MECOM: variants seen among roughly 807,000 people sequenced by gnomAD.
MECOM encodes histone-lysine N-methyltransferase MECOM.
In MECOM, 13 loss-of-function variants were observed where a neutral mutation model predicts 116.3. That is an observed-to-expected ratio of 0.11 (90% confidence interval 0.07 to 0.18). The LOEUF (loss-of-function observed/expected upper bound fraction) is 0.18, where lower values mean the gene tolerates loss of function less well. MECOM is among the 10% of genes least tolerant of loss of function. The probability of loss-of-function intolerance (pLI) is 1.00; values close to 1 mark genes in which losing one functional copy is unlikely to be tolerated. For missense variants in MECOM, 1,299 were observed against 1,509.0 expected, an observed-to-expected ratio of 0.86 and a Z score of 2.31; for synonymous variants, 528 against 535.2, an observed-to-expected ratio of 0.99 and a Z score of 0.19.
intron 1 of MECOM, among the ~76,000 whole-genome samples, chr3:169,440,828 TC>T (rs1743519330): frequency 1.3e-5 from 2 of 152,002 alleles, no homozygotes; most frequent in South Asian, 4.2e-4. Context: ...TTTAGACAGC[TC>T]ACCCCAGACC....
intron 1 of MECOM, chr3:169,389,588 T>C: frequency 1.0e-6 from 1 of 985,434 alleles, no homozygotes; most frequent in Non-Finnish European, 1.2e-6. Flanking sequence ...CTTCATAAGC[T>C]TTCTATGTCC....
chr3:169,358,616 A>C (rs1431797816), intron 2 of MECOM, among the ~76,000 whole-genome samples: 1 of 151,622 alleles, frequency 6.6e-6, no homozygotes, highest in Non-Finnish European at 1.5e-5. Context: ...GCAGACAAAA[A>C]GATAACTGTC....
At chr3:169,288,229 A>G (rs997418688) in intron 2 of MECOM, among the ~76,000 whole-genome samples, 8 of 99,170 alleles carry the variant, frequency 8.1e-5, no homozygotes, top group African/African-American at 1.3e-4. Flanking sequence ...AAGTTTTAGT[A>G]AAAAAAAAAA....
intron 3 of MECOM, among the ~76,000 whole-genome samples, chr3:169,132,981 T>C (rs563108392): frequency 3.9e-5 from 6 of 152,058 alleles, no homozygotes; most frequent in African/African-American, 1.4e-4. Flanking sequence ...CTCGAACTCC[T>C]GGGCTCAAGC....
chr3:169,256,045 A>T (rs1756827412), intron 2 of MECOM, among the ~76,000 whole-genome samples: 1 of 152,332 alleles, frequency 6.6e-6, no homozygotes, highest in African/African-American at 2.4e-5. Context: ...CCTATTTTAA[A>T]TATTCATTCT....
chr3:169,436,678 C>A (rs1049647768), intron 1 of MECOM, among the ~76,000 whole-genome samples: 2 of 152,126 alleles, frequency 1.3e-5, no homozygotes, highest in African/African-American at 4.8e-5. Context: ...TTTTCAATCA[C>A]TTTTCAGTGC....
intron 16 of MECOM, among the ~76,000 whole-genome samples, chr3:169,088,644 A>T (rs754968388): frequency 5.3e-5 from 8 of 152,198 alleles, no homozygotes; most frequent in Non-Finnish European, 1.0e-4. Context: ...AATTACATTG[A>T]CAAAAGTATA....
intron 2 of MECOM, among the ~76,000 whole-genome samples, chr3:169,379,160 GA>G (rs546780284): frequency 1.4e-4 from 19 of 131,152 alleles, no homozygotes; most frequent in South Asian, 1.2e-3. Context: ...GATTAAAAGA[GA>G]AAAAAAAAAA....
intron 1 of MECOM, among the ~76,000 whole-genome samples, chr3:169,420,604 C>A (rs1739555583): frequency 6.6e-6 from 1 of 152,084 alleles, no homozygotes; most frequent in African/African-American, 2.4e-5. Flanking sequence ...TCCACGGACA[C>A]AATTATAGGT....
chr3:169,103,792 C>T (rs1036099434), intron 10 of MECOM, among the ~76,000 whole-genome samples: 3 of 152,160 alleles, frequency 2.0e-5, no homozygotes, highest in Non-Finnish European at 4.4e-5. Flanking sequence ...GTCTTAACAG[C>T]ATGGCCTGAA....
intron 1 of MECOM, among the ~76,000 whole-genome samples, chr3:169,513,443 G>C (rs1233157077): frequency 6.6e-6 from 1 of 152,224 alleles, no homozygotes; most frequent in Non-Finnish European, 1.5e-5. Context: ...GAGCTGCATA[G>C]TTCAGAAGGC....
intron 1 of MECOM, among the ~76,000 whole-genome samples, chr3:169,428,163 C>T (rs1404963768): frequency 6.6e-6 from 1 of 152,178 alleles, no homozygotes; most frequent in Non-Finnish European, 1.5e-5. Context: ...CTAGGCAACA[C>T]AGCGAGAAGA....
chr3:169,131,419 T>C lies in MECOM; in HGVS notation c.613+10A>G, dbSNP rs780285480. 5.6e-6 allele frequency: 9 copies of C among 1,609,414 alleles called. No individual in the cohort carries two copies. Among genetic ancestry groups the C allele is most frequent in the Non-Finnish European group, 6.8e-6 (8 of 1,175,800 alleles). On this transcript the variant is annotated intron_variant, in intron 4 of 16. Transcript: ENST00000651503. ...AAGGTGATAAGGAGGGTGGCGTGAG[T>C]GGTACTAACCGTGGATATCCGGCGC...
chr3:169,238,184 AAAAAAAG>A (rs1352459971), intron 2 of MECOM, among the ~76,000 whole-genome samples: 19 of 151,696 alleles, frequency 1.3e-4, no homozygotes, highest in East Asian at 3.9e-4. Context: ...CAAAAAAAAA[AAAAAAAG>A]AAAAAAGAAA....
chr3:169,123,232 A>G (rs547129538), intron 5 of MECOM, among the ~76,000 whole-genome samples: 28 of 151,728 alleles, frequency 1.8e-4, no homozygotes, highest in African/African-American at 6.3e-4. Context: ...TGTCTAATGT[A>G]TATAATCTCT....
chr3:169,378,450 A>AAAGAAAGAAAGCAAGC (rs1731558772), intron 2 of MECOM, among the ~76,000 whole-genome samples: 1 of 54,090 alleles, frequency 1.8e-5, no homozygotes, highest in Non-Finnish European at 3.3e-5. Context: ...AGAAAGAAAG[A>AAAGAAAGAAAGCAAGC]AGGAAAGCAA....
chr3:169,126,843 G>A (rs1005686044), intron 5 of MECOM, among the ~76,000 whole-genome samples: 1 of 151,934 alleles, frequency 6.6e-6, no homozygotes, highest in Non-Finnish European at 1.5e-5. Flanking sequence ...CAGGAAAGAA[G>A]GAAAGGAAAC....
chr3:169,232,071 A>G (rs1254911726), intron 2 of MECOM, among the ~76,000 whole-genome samples: 7 of 152,312 alleles, frequency 4.6e-5, no homozygotes, highest in Admixed American at 1.3e-4. Context: ...GCATTAGGCC[A>G]GAATAACTGG....
chr3:169,153,023 G>T (rs558030732), intron 2 of MECOM, among the ~76,000 whole-genome samples: 2 of 152,174 alleles, frequency 1.3e-5, no homozygotes, highest in African/African-American at 4.8e-5. Flanking sequence ...CTCCAGTTAA[G>T]GTTGCCATAT....
Sources: gnomAD v4.1 joint callset for allele counts (sites outside exome capture counted in the v4.1 genomes callset) on GRCh38, gnomAD v4.1.1 for gene constraint, MANE v1.5 for transcripts, NCBI Gene and HGNC (gene_info 2026-07-23, HGNC 2026-07-21) for gene names.